The following HPSE2 variants were observed in gnomAD, a reference collection of about 807,000 sequenced individuals.
HPSE2 encodes the protein heparanase 2 (inactive).
HPSE2 carries 38 observed loss-of-function variants against 60.5 expected under a neutral mutation model. That is an observed-to-expected ratio of 0.63 (90% CI 0.48 to 0.82). The LOEUF is 0.82. Ranked by LOEUF, HPSE2 falls within the 40% of genes least tolerant of loss-of-function variation. The probability of loss-of-function intolerance (pLI) is 0.00; values close to 1 mark genes in which losing one functional copy is unlikely to be tolerated. For synonymous variants in HPSE2, 295 were observed against 293.2 expected (o/e 1.01, Z -0.06); for missense variants, 713 against 740.4 (o/e 0.96, Z 0.43).
intron 3 of HPSE2, among the ~76,000 whole-genome samples, chr10:98,999,218 AAGAG>A (rs750899521): frequency 4.8e-4 from 72 of 148,644 alleles, no homozygotes; most frequent in African/African-American, 9.0e-4. Flanking sequence ...AAGAGAGAAA[AAGAG>A]AGATCAGAAG....
chr10:99,061,429 T>G (rs1842440554), intron 3 of HPSE2, among the ~76,000 whole-genome samples: 1 of 152,234 alleles, frequency 6.6e-6, no homozygotes. Context: ...TAAATGTAGC[T>G]GGGGTTTGTT....
At chr10:98,944,908 A>T (rs998083922) in intron 3 of HPSE2, among the ~76,000 whole-genome samples, 7 of 152,138 alleles carry the variant, frequency 4.6e-5, no homozygotes, top group African/African-American at 1.7e-4. Flanking sequence ...ACTGAGCACT[A>T]TTCATTTTAA....
chr10:99,095,453 A>G (rs932762345), intron 3 of HPSE2, among the ~76,000 whole-genome samples: 1 of 152,188 alleles, frequency 6.6e-6, no homozygotes, highest in Non-Finnish European at 1.5e-5. Context: ...AGAATTCAAT[A>G]GTTTTTAGTA....
At chr10:98,767,916 T>C (rs1950160303) in intron 3 of HPSE2, among the ~76,000 whole-genome samples, 1 of 148,406 alleles carries the variant, frequency 6.7e-6, no homozygotes, top group South Asian at 2.1e-4. Flanking sequence ...ATATAATATA[T>C]TAAACTGATA....
intron 3 of HPSE2, among the ~76,000 whole-genome samples, chr10:99,024,357 C>T (rs1025468970): frequency 2.0e-5 from 3 of 152,028 alleles, no homozygotes; most frequent in African/African-American, 4.8e-5. Flanking sequence ...GTTATAAAAT[C>T]GTATTTGCAA....
chr10:98,462,085 A>G (rs1260057127), intron 11 of HPSE2, among the ~76,000 whole-genome samples: 2 of 152,260 alleles, frequency 1.3e-5, no homozygotes, highest in Non-Finnish European at 2.9e-5. Context: ...ATAGGCACCA[A>G]AGAAATGAAA....
chr10:99,013,450 G>T, intron 3 of HPSE2: 1 of 489,906 alleles, frequency 2.0e-6, no homozygotes, highest in South Asian at 1.9e-5. Context: ...CCTCCATTAG[G>T]AAATGTATAT....
At chr10:99,249,891 C>A in the HPSE2 span, among the ~76,000 whole-genome samples, 2 of 152,060 alleles carry the variant, frequency 1.3e-5, no homozygotes, top group African/African-American at 4.8e-5. Context: ...TGCCTGTAAT[C>A]CTAGCATTTT....
intron 3 of HPSE2, among the ~76,000 whole-genome samples, chr10:99,049,365 A>G (rs1957936828): frequency 6.6e-6 from 1 of 152,208 alleles, no homozygotes; most frequent in Non-Finnish European, 1.5e-5. Context: ...TTGAAGAAAC[A>G]GGGGCTGAAA....
intron 3 of HPSE2, among the ~76,000 whole-genome samples, chr10:99,016,547 T>C (rs1464039081): frequency 6.6e-6 from 1 of 152,194 alleles, no homozygotes. Flanking sequence ...AAAATAGTTT[T>C]TTTTTCTAGT....
chr10:99,002,880 A>C (rs2487882), intron 3 of HPSE2, among the ~76,000 whole-genome samples: 24,986 of 152,056 alleles, frequency 0.16, 2,276 homozygotes, highest in Admixed American at 0.24. Flanking sequence ...TCACATACCT[A>C]TCTTTTTTGT....
In HPSE2 at chr10:98,985,904, C is replaced by A. The variant is rs185369771; in HGVS notation, c.610+158334G>T. Among the ~76,000 whole-genome samples the A allele has an allele frequency of 7.2e-5, 11 of 152,288 alleles. No individual in the cohort carries two copies. The East Asian group carries it at 2.1e-3, about 29-fold the overall frequency. On this transcript the variant is annotated intron_variant, in intron 3 of 11. Coordinates refer to ENST00000370552, the MANE Select transcript of HPSE2 (RefSeq NM_021828.5). Reference sequence around the variant, plus strand: ...TCAAAAGAGATAAAGAAGGCCATTACATAATGGTAAAGGGATCAATTCAAC... The same window carrying A: ...TCAAAAGAGATAAAGAAGGCCATTAAATAATGGTAAAGGGATCAATTCAAC...
intron 9 of HPSE2, among the ~76,000 whole-genome samples, chr10:98,525,688 G>A (rs539263029): frequency 1.3e-5 from 2 of 152,276 alleles, no homozygotes; most frequent in East Asian, 3.9e-4. Context: ...TATTTACCTG[G>A]GTGGCCTTTG....
chr10:98,475,431 T>G (rs1388990707), intron 11 of HPSE2, among the ~76,000 whole-genome samples: 3 of 151,832 alleles, frequency 2.0e-5, no homozygotes, highest in African/African-American at 7.3e-5. Flanking sequence ...GGACCATAAT[T>G]CTTTTAAAAT....
At chr10:99,230,579 A>G (rs1228676719) in intron 2 of HPSE2, among the ~76,000 whole-genome samples, 1 of 152,016 alleles carries the variant, frequency 6.6e-6, no homozygotes, top group African/African-American at 2.4e-5. Flanking sequence ...GCCTTCTGCC[A>G]ATTTCTTTTC....
At chr10:98,491,942 T>C (rs910308630) in intron 9 of HPSE2, among the ~76,000 whole-genome samples, 9 of 152,172 alleles carry the variant, frequency 5.9e-5, no homozygotes, top group African/African-American at 1.9e-4. Context: ...TTCTGATTTT[T>C]ACACTCACAA....
intron 3 of HPSE2, among the ~76,000 whole-genome samples, chr10:99,034,101 AGTAAACAAAGGGTG>A: frequency 6.6e-6 from 1 of 152,240 alleles, no homozygotes; most frequent in East Asian, 1.9e-4. Flanking sequence ...TAGATGCCTG[AGTAAACAAAGGGTG>A]GCACTTCCGT....
At chr10:99,186,562 A>G (rs1328333163) in intron 2 of HPSE2, among the ~76,000 whole-genome samples, 1 of 150,984 alleles carries the variant, frequency 6.6e-6, no homozygotes, top group East Asian at 1.9e-4. Flanking sequence ...AAAAAAAAAA[A>G]AAAAAAAAAA....
chr10:98,544,656 T>C (rs1943597744), intron 9 of HPSE2, among the ~76,000 whole-genome samples: 1 of 132,856 alleles, frequency 7.5e-6, no homozygotes, highest in African/African-American at 2.9e-5. Flanking sequence ...GAGCTTGCAG[T>C]GAGCCGAGAT....
Sources: gnomAD v4.1 joint callset for allele counts (sites outside exome capture counted in the v4.1 genomes callset) on GRCh38, gnomAD v4.1.1 for gene constraint, MANE v1.5 for transcripts, NCBI Gene and HGNC (gene_info 2026-07-23, HGNC 2026-07-21) for gene names.